Variants in GSE1 observed in about 807,000 individuals in gnomAD.
The protein encoded by GSE1 is Gse1 coiled-coil protein.
A neutral mutation model predicts 112.6 loss-of-function variants in GSE1; 32 were observed. The observed-to-expected ratio is 0.28, with a 90% CI of 0.21 to 0.38. GSE1 has a LOEUF of 0.38. Among genes scored for constraint, GSE1 ranks in the 10% least tolerant of loss-of-function variants. GSE1 has a pLI of 1.00. For missense variants in GSE1, 2,348 were observed against 1,699.2 expected, an observed-to-expected ratio of 1.38 and a Z score of -6.71; for synonymous variants, 1,115 against 735.6, an observed-to-expected ratio of 1.52 and a Z score of -8.35.
At chr16:85,351,447 G>T (rs985931680) in intron 1 of GSE1, among the ~76,000 whole-genome samples, 1 of 152,160 alleles carries the variant, frequency 6.6e-6, no homozygotes, top group African/African-American at 2.4e-5. Flanking sequence ...AATGACATTT[G>T]TATGAAACGT....
chr16:85,616,790 G>A (rs1271126761), intron 1 of GSE1, among the ~76,000 whole-genome samples: 4 of 152,024 alleles, frequency 2.6e-5, no homozygotes, highest in Non-Finnish European at 4.4e-5. Context: ...TTTCTCCCCC[G>A]GCTGAGGCCA....
intron 2 of GSE1, among the ~76,000 whole-genome samples, chr16:85,646,380 C>T (rs2050872487): frequency 1.3e-5 from 2 of 152,278 alleles, no homozygotes; most frequent in African/African-American, 4.8e-5. Context: ...GGCCCAAGTG[C>T]AAGCTTGCAC....
At chr16:85,478,879 C>CT (rs753073110) in intron 2 of GSE1, among the ~76,000 whole-genome samples, 9 of 58,434 alleles carry the variant, frequency 1.5e-4, no homozygotes, top group African/African-American at 1.2e-3. Flanking sequence ...TTCTTTCTTT[C>CT]TTTCTTTCTT....
Position 85,419,260 on chromosome 16 carries a change from T to C in GSE1, c.2464+61617T>C, listed in dbSNP as rs2048771810. Among the ~76,000 whole-genome samples, 1 of 152,246 alleles carries C rather than the reference T, an allele frequency of 6.6e-6. No individual in the cohort carries two copies. The highest frequency in any genetic ancestry group is 6.5e-5 in the Admixed American group (1 of 15,300). On this transcript the variant is annotated intron_variant, in intron 2 of 2. Transcript: ENST00000637419. This position sits in a 1 kb window ranked among gnomAD's most constrained non-coding sequence, Gnocchi z 6.5. ...CTGCCCTTACAAAAGGTTCACCTCA[T>C]AGAGGGCGCTAGAGGCCACCTCAGG...
intron 1 of GSE1, among the ~76,000 whole-genome samples, chr16:85,625,940 G>A (rs894511003): frequency 6.6e-6 from 1 of 152,150 alleles, no homozygotes; most frequent in Admixed American, 6.5e-5. Flanking sequence ...AGGGACTCCT[G>A]TGGCTGCACA....
At chr16:85,184,269 T>C (rs927115366) in intron 1 of GSE1, among the ~76,000 whole-genome samples, 6 of 152,252 alleles carry the variant, frequency 3.9e-5, no homozygotes, top group Non-Finnish European at 7.3e-5. Context: ...TCAGAACCAA[T>C]GCCTGTGGCT....
At chr16:85,569,362 C>T (rs2045888238) in intron 1 of GSE1, among the ~76,000 whole-genome samples, 1 of 152,186 alleles carries the variant, frequency 6.6e-6, no homozygotes, top group African/African-American at 2.4e-5. Context: ...AGCCCCTGGG[C>T]CTGGGGGCCA....
At chr16:85,537,923 C>G (rs34672612) in intron 2 of GSE1, among the ~76,000 whole-genome samples, 1 of 152,202 alleles carries the variant, frequency 6.6e-6, no homozygotes, top group African/African-American at 2.4e-5. Flanking sequence ...AGACAGAGGC[C>G]TGAGGCAGGG....
upstream of GSE1, among the ~76,000 whole-genome samples, chr16:85,612,540 C>T (rs754424726): frequency 1.8e-4 from 27 of 152,074 alleles, no homozygotes; most frequent in Middle Eastern, 3.2e-3. Flanking sequence ...GTTCTCCAGC[C>T]CCTGGGCCGC....
intron 2 of GSE1, among the ~76,000 whole-genome samples, chr16:85,515,806 A>G (rs2051913564): frequency 6.6e-6 from 1 of 151,892 alleles, no homozygotes; most frequent in South Asian, 2.1e-4. Context: ...AGAGCCCTTT[A>G]AGCACCCCAG....
At chr16:85,453,788 G>A (rs1329802122) in intron 2 of GSE1, among the ~76,000 whole-genome samples, 2 of 152,188 alleles carry the variant, frequency 1.3e-5, no homozygotes, top group Non-Finnish European at 2.9e-5. Flanking sequence ...ACCCCATCCA[G>A]CTCTGGGCGG....
chr16:85,248,721 G>C (rs561724707), intron 1 of GSE1, among the ~76,000 whole-genome samples: 2 of 152,208 alleles, frequency 1.3e-5, no homozygotes, highest in African/African-American at 4.8e-5. Context: ...GGAGGGGGGT[G>C]CTGGCTGGAG....
intron 1 of GSE1, among the ~76,000 whole-genome samples, chr16:85,251,842 G>A (rs1309861095): frequency 6.6e-6 from 1 of 152,206 alleles, no homozygotes; most frequent in East Asian, 1.9e-4. Context: ...GCACACAACC[G>A]CTGGGTGTGC....
chr16:85,214,427 G>A (rs566139975), intron 1 of GSE1, among the ~76,000 whole-genome samples: 9 of 152,170 alleles, frequency 5.9e-5, no homozygotes, highest in South Asian at 2.1e-4. Context: ...GGCAGAGGTC[G>A]GAGTGATGCA....
chr16:85,548,732 A>T (rs953567061), intron 2 of GSE1, among the ~76,000 whole-genome samples: 10 of 152,148 alleles, frequency 6.6e-5, no homozygotes, highest in Non-Finnish European at 1.3e-4. Context: ...TCCTCTTGTT[A>T]TAAAGACCCT....
At chr16:85,449,954 C>T (rs909406687) in intron 2 of GSE1, among the ~76,000 whole-genome samples, 1 of 152,186 alleles carries the variant, frequency 6.6e-6, no homozygotes, top group Admixed American at 6.5e-5. Context: ...GGGCTCCCAG[C>T]TTGGCCCAAA....
chr16:85,447,394 C>A (rs2049545946), intron 2 of GSE1, among the ~76,000 whole-genome samples: 1 of 152,188 alleles, frequency 6.6e-6, no homozygotes, highest in Admixed American at 6.5e-5. Context: ...AGATTCACCA[C>A]TTGACCTTGG....
In GSE1 at chr16:85,456,579, C is replaced by CGTGTGTGTGTGTGTGT. The variant is rs35279881; in HGVS notation, c.2464+98982_2464+98997dup. On this transcript the variant is annotated intron_variant, in intron 2 of 2. Transcript: ENST00000637419. ...AGGGAGGGGAGGGTCATTTTCCTGC[C>CGTGTGTGTGTGTGTGT]GTGTGTGTGTGTGTGTGTGTGTGTG... Among the ~76,000 whole-genome samples the CGTGTGTGTGTGTGTGT allele has an allele frequency of 4.5e-3, 409 of 91,534 alleles. 14 individuals carry two copies. The highest frequency in any genetic ancestry group is 7.8e-3 in the African/African-American group (197 of 25,414). 60.0% of individuals were successfully genotyped at this position (91,534 alleles called of 152,430 possible). A position where few individuals can be genotyped will look rare whatever the true frequency, so the allele number is the denominator to read the frequency against.
chr16:85,264,525 G>A (rs11647719), intron 1 of GSE1, among the ~76,000 whole-genome samples: 16,086 of 152,172 alleles, frequency 0.11, 912 homozygotes, highest in Non-Finnish European at 0.12. Context: ...CCTGCCACTC[G>A]CTGAAGACCT....
Sources: allele counts gnomAD v4.1 joint callset (sites outside exome capture counted in the v4.1 genomes callset), GRCh38; gene constraint gnomAD v4.1.1; non-coding constraint Gnocchi (gnomAD v3.1); transcripts MANE v1.5; gene names NCBI Gene and HGNC (gene_info 2026-07-23, HGNC 2026-07-21).